The following TMPRSS9 variants were observed in gnomAD, a reference collection of about 807,000 sequenced individuals.
TMPRSS9 encodes the protein transmembrane serine protease 9, also known as transmembrane protease serine 9.
A neutral mutation model predicts 111.4 loss-of-function variants in TMPRSS9; 113 were observed. The observed-to-expected ratio is 1.01, with a 90% CI of 0.87 to 1.19. The LOEUF (loss-of-function observed/expected upper bound fraction) is 1.19, where lower values mean the gene tolerates loss of function less well. Ranked by LOEUF, TMPRSS9 falls within the 50% of genes most tolerant of loss-of-function variation. The probability of loss-of-function intolerance (pLI) is 0.00; values close to 1 mark genes in which losing one functional copy is unlikely to be tolerated. For missense variants in TMPRSS9, 1,803 were observed against 1,513.1 expected (o/e 1.19, Z -3.18); for synonymous variants, 805 against 659.1 (o/e 1.22, Z -3.39).
intron 1 of TMPRSS9, among the ~76,000 whole-genome samples, chr19:2,395,254 C>G (rs933658141): frequency 6.6e-6 from 1 of 152,052 alleles, no homozygotes; most frequent in Admixed American, 6.6e-5. Flanking sequence ...CCAGTCTGTA[C>G]TAAAAATACA....
Position 2,418,145 on chromosome 19 carries a change from A to G in TMPRSS9, c.2154+7A>G, listed in dbSNP as rs772448568. On this transcript the variant is annotated splice_region_variant and intron_variant, in intron 13 of 17. Transcript: ENST00000648592. ...CAAAGTCGACTCCTGCCAGGTAAGC[A>G]TTCAAAGGGGGAAAGCGGGCAATAT... 5 of 1,609,126 alleles carry G rather than the reference A, an allele frequency of 3.1e-6. No individual in the cohort carries two copies. In the Admixed American group the frequency reaches 6.7e-5, roughly 22 times the overall value.
rs1971333519 is a variant in TMPRSS9, at chr19:2,418,396, TGGCC to T, written c.2154+259_2154+262del. On this transcript the variant is annotated intron_variant, in intron 13 of 17. Coordinates refer to ENST00000648592, the Ensembl canonical transcript of TMPRSS9. ...CCCTCCCTCCCTTTCCTTCCCTCCCTGGCCTTTCCTTCCATTCCTTCCCTCCCTC... is the reference window on the plus strand; with the variant it reads ...CCCTCCCTCCCTTTCCTTCCCTCCCTTTTCCTTCCATTCCTTCCCTCCCTC... Among the ~76,000 whole-genome samples, 3 of 14,296 alleles carry T rather than the reference TGGCC, an allele frequency of 2.1e-4. 1 individual carries two copies. The highest frequency in any genetic ancestry group is 1.0e-3 in the African/African-American group (3 of 2,864). The allele number at this position is 14,296 out of a possible 152,430, so 9.4% of individuals were successfully genotyped here. A position where few individuals can be genotyped will look rare whatever the true frequency, so the allele number is the denominator to read the frequency against.
At chr19:2,400,260 G>A (rs571415607) in intron 4 of TMPRSS9, among the ~76,000 whole-genome samples, 1 of 152,368 alleles carries the variant, frequency 6.6e-6, no homozygotes, top group East Asian at 1.9e-4. Flanking sequence ...TTGTATGGAA[G>A]GCCGGGTGTG....
intron 13 of TMPRSS9, among the ~76,000 whole-genome samples, chr19:2,420,339 G>A (rs1310647689): frequency 1.3e-5 from 2 of 151,694 alleles, no homozygotes; most frequent in Non-Finnish European, 2.9e-5. Context: ...CTACTCCGGA[G>A]GCTGAGGCAG....
chr19:2,393,418 C>A (rs1260411984), intron 1 of TMPRSS9, among the ~76,000 whole-genome samples: 3 of 152,120 alleles, frequency 2.0e-5, no homozygotes, highest in African/African-American at 7.2e-5. Flanking sequence ...ACCACGAACC[C>A]ACCAGAAGGA....
intron 2 of TMPRSS9, 51 bp downstream of exon 3, chr19:2,396,717 G>A (rs1476304824): frequency 4.5e-6 from 7 of 1,561,988 alleles, no homozygotes; most frequent in African/African-American, 1.3e-5. Flanking sequence ...GGTGGCCGGG[G>A]GCTTTGACCT....
intron 1 of TMPRSS9, among the ~76,000 whole-genome samples, chr19:2,377,332 A>G (rs1970344923): frequency 6.8e-6 from 1 of 146,328 alleles, no homozygotes; most frequent in Admixed American, 6.8e-5. Flanking sequence ...ATGGGGTCTC[A>G]CTGTGTTGCC....
intron 12 of TMPRSS9, 41 bp from the exon 14 acceptor site, chr19:2,417,961 G>T (rs372917920): frequency 3.1e-6 from 5 of 1,609,786 alleles, no homozygotes; most frequent in South Asian, 2.2e-5. Flanking sequence ...CTGCTCTGAT[G>T]ATCACTGTGC....
chr19:2,416,565 C>T, exon 12 of TMPRSS9: 1 of 1,610,890 alleles, frequency 6.2e-7, no homozygotes, highest in South Asian at 1.1e-5. Context: ...TTCGGGCCCA[C>T]CTGGGCACTG....
chr19:2,396,768 A>G (rs974288544), intron 2 of TMPRSS9, 102 bp downstream of exon 3: 2 of 1,460,726 alleles, frequency 1.4e-6, no homozygotes, highest in Non-Finnish European at 1.8e-6. Context: ...GCCACAGGCA[A>G]CGAAGCTGAG....
chr19:2,417,988 T>C lies in TMPRSS9; in HGVS notation c.2018-14T>C, dbSNP rs1568188785. The C allele has an allele frequency of 6.2e-7, 1 of 1,611,546 alleles. No individual in the cohort carries two copies. The highest frequency in any genetic ancestry group is 8.5e-7 in the Non-Finnish European group (1 of 1,179,400). ...TCACTGTGCACGTGGCCTTTCTGGC[T>C]CTTTCCCTGGTAGCCACCAAGCCCG... On this transcript the variant is annotated splice_polypyrimidine_tract_variant and intron_variant, in intron 12 of 17. Transcript: ENST00000648592.
At chr19:2,389,854 C>A (rs147428178) in exon 1 of TMPRSS9, 1 of 1,614,052 alleles carries the variant, frequency 6.2e-7, no homozygotes, top group South Asian at 1.1e-5. Flanking sequence ...CTCTGGATGC[C>A]GCGTGCTGTC....
At chr19:2,410,442 G>C (rs771625926) in intron 9 of TMPRSS9, 48 bp downstream of exon 10, 6 of 1,604,964 alleles carry the variant, frequency 3.7e-6, no homozygotes, top group South Asian at 1.1e-5. Context: ...AAATAGACAC[G>C]AGCATGTTCA....
chr19:2,403,991 CAAA>C (rs924148287), intron 6 of TMPRSS9, among the ~76,000 whole-genome samples: 6 of 50,516 alleles, frequency 1.2e-4, no homozygotes, highest in Non-Finnish European at 1.7e-4. Flanking sequence ...GACTCTGTCT[CAAA>C]AAAAAAAAAA....
chr19:2,424,083 C>A lies in TMPRSS9; in HGVS notation c.2549-6C>A. ...CCGCCTGCCCACGCGCCTGGCTCCC[C>A]CGCAGACTGTGGCCTGGCGCCGGCC... On this transcript the variant is annotated splice_polypyrimidine_tract_variant and splice_region_variant and intron_variant, in intron 14 of 17. Coordinates refer to ENST00000648592, the Ensembl canonical transcript of TMPRSS9. The A allele has an allele frequency of 7.8e-7, 1 of 1,285,596 alleles. No homozygotes were observed. The highest frequency in any genetic ancestry group is 9.9e-7 in the Non-Finnish European group (1 of 1,013,960). 79.6% of individuals were successfully genotyped at this position (1,285,596 alleles called of 1,614,324 possible).
At chr19:2,410,168 T>C (rs3848634) in intron 8 of TMPRSS9, 90 bp from the exon 10 acceptor site, 97,488 of 1,556,174 alleles carry the variant, frequency 0.063, 5,333 homozygotes, top group East Asian at 0.3. Flanking sequence ...GAGGGAGGCT[T>C]GGAGAGGAGC....
exon 9 of TMPRSS9, chr19:2,410,383 G>C: frequency 6.2e-7 from 1 of 1,613,876 alleles, no homozygotes; most frequent in Non-Finnish European, 8.5e-7. Flanking sequence ...CGGGAAGGTG[G>C]ACTCCTGCCA....
intron 14 of TMPRSS9, among the ~76,000 whole-genome samples, chr19:2,423,855 T>C (rs1971525498): frequency 6.6e-6 from 1 of 152,000 alleles, no homozygotes; most frequent in African/African-American, 2.4e-5. Context: ...AAACGTATGG[T>C]CCCAAAACTG....
intron 1 of TMPRSS9, among the ~76,000 whole-genome samples, chr19:2,369,941 C>T (rs1237048808): frequency 1.3e-5 from 2 of 152,038 alleles, no homozygotes; most frequent in Admixed American, 1.3e-4. Context: ...AATGCAGTGG[C>T]TCATGCCTGT....
Sources: allele counts gnomAD v4.1 joint callset (sites outside exome capture counted in the v4.1 genomes callset), GRCh38; gene constraint gnomAD v4.1.1; transcripts MANE v1.5; gene names NCBI Gene and HGNC (gene_info 2026-07-23, HGNC 2026-07-21).